The following WNK1 variants were observed in gnomAD, a reference collection of about 807,000 sequenced individuals.
The protein encoded by WNK1 is WNK lysine deficient protein kinase 1.
A neutral mutation model predicts 222.8 loss-of-function variants in WNK1; 38 were observed. The ratio of observed to expected loss-of-function variants is 0.17; its 90% CI spans 0.13 to 0.22. WNK1 has a LOEUF of 0.22. Among genes scored for constraint, WNK1 ranks in the 10% least tolerant of loss-of-function variants. WNK1 has a pLI of 1.00. For missense variants in WNK1, 2,348 were observed against 2,918.4 expected (o/e 0.80, Z 4.50); for synonymous variants, 1,090 against 1,092.9 (o/e 1.00, Z 0.05).
At position 885,214 on chromosome 12, in the gene WNK1, G is replaced by A. The variant is rs1445899117; in HGVS notation, c.4410G>A (p.Lys1470=). 3 of 1,614,148 alleles carry A rather than the reference G, an allele frequency of 1.9e-6. No individual in the cohort carries two copies. In the East Asian group the frequency reaches 6.7e-5, roughly 36 times the overall value. The change falls in exon 19 of 28, where the codon AAG becomes AAA. Residue 1470 remains lysine (K), a synonymous_variant. Transcript: ENST00000315939. ...AGGSTATPGP[K]PPAVVSQQAA... is the part of the protein sequence containing the mutation. The stretch of plus-strand genomic sequence containing the variant: ...GCAGTACTGCTACCCCAGGTCCTAA[G>A]CCTCCAGCTGTAGTATCTCAGCAGG...
At chr12:839,835 A>G (rs1017721795) in intron 4 of WNK1, among the ~76,000 whole-genome samples, 21 of 151,154 alleles carry the variant, frequency 1.4e-4, no homozygotes, top group African/African-American at 4.6e-4. Context: ...TCCTGCCTCA[A>G]GCTTCCTGAG....
Position 911,076 on chromosome 12 carries a change from CA to C in WNK1, c.*2291del. 2.6e-6 allele frequency: 1 copy of C among 385,348 alleles called. No homozygotes were observed. The allele number at this position is 385,348 out of a possible 1,614,324, so 23.9% of individuals were successfully genotyped here. On this transcript the variant is annotated 3_prime_UTR_variant, in exon 28 of 28. Transcript: ENST00000315939. Reference sequence around the variant, plus strand: ...ATTTTGACATCTTTTCACTCATACACAAAAAAAGTCAGAACTGGTGTTATTT... The same window carrying C: ...ATTTTGACATCTTTTCACTCATACACAAAAAAGTCAGAACTGGTGTTATTT...
At chr12:813,906 C>A in intron 2 of WNK1, 92 bp downstream of exon 2, 1 of 1,401,846 alleles carries the variant, frequency 7.1e-7, no homozygotes, top group Non-Finnish European at 9.9e-7. Flanking sequence ...TTTGGTTGTT[C>A]AGCCTAAGAA....
chr12:806,727 T>C (rs1321118114), intron 1 of WNK1, among the ~76,000 whole-genome samples: 1 of 152,192 alleles, frequency 6.6e-6, no homozygotes, highest in Admixed American at 6.5e-5. Flanking sequence ...ATGAGTGATT[T>C]GTGGAGAGAC....
At chr12:842,580 C>T (rs559929817) in intron 4 of WNK1, among the ~76,000 whole-genome samples, 1 of 152,234 alleles carries the variant, frequency 6.6e-6, no homozygotes, top group East Asian at 1.9e-4. Context: ...ATAGGGCAGA[C>T]CAAATTGTAA....
At chr12:860,391 C>T (rs1951114173) in intron 6 of WNK1, among the ~76,000 whole-genome samples, 1 of 152,158 alleles carries the variant, frequency 6.6e-6, no homozygotes, top group Admixed American at 6.5e-5. Context: ...TGCCATAGTG[C>T]CCAAAATAGC....
chr12:811,786 T>A (rs1946931265), intron 1 of WNK1, among the ~76,000 whole-genome samples: 1 of 152,214 alleles, frequency 6.6e-6, no homozygotes, highest in Non-Finnish European at 1.5e-5. Context: ...TTGTTTAGGT[T>A]TCCCCCATTT....
intron 8 of WNK1, chr12:869,258 T>A: frequency 2.8e-6 from 3 of 1,061,530 alleles, no homozygotes; most frequent in Non-Finnish European, 4.3e-6. Flanking sequence ...GGTTGTGAAC[T>A]ACATATATGC....
At chr12:774,516 C>T (rs1206645540) in intron 1 of WNK1, among the ~76,000 whole-genome samples, 1 of 152,172 alleles carries the variant, frequency 6.6e-6, no homozygotes, top group Non-Finnish European at 1.5e-5. Flanking sequence ...GGGAATTTGC[C>T]TACTTAGCCT....
intron 22 of WNK1, among the ~76,000 whole-genome samples, chr12:893,043 C>A (rs773852335): frequency 2.7e-4 from 41 of 152,026 alleles, no homozygotes; most frequent in Non-Finnish European, 1.3e-4. Context: ...TTGCTTGAGC[C>A]CAGGATTTCG....
At chr12:759,123 T>G (rs903818852) in intron 1 of WNK1, among the ~76,000 whole-genome samples, 1 of 146,942 alleles carries the variant, frequency 6.8e-6, no homozygotes, top group Admixed American at 6.8e-5. Flanking sequence ...CTAAACCTGT[T>G]ATTTGGGTTT....
chr12:826,435 C>T (rs1948367853), intron 2 of WNK1, among the ~76,000 whole-genome samples: 3 of 152,088 alleles, frequency 2.0e-5, no homozygotes, highest in African/African-American at 7.2e-5. Flanking sequence ...CAGAACAGGC[C>T]CTTTCCTTAG....
chr12:786,925 C>A (rs1436353658), intron 1 of WNK1, among the ~76,000 whole-genome samples: 1 of 151,920 alleles, frequency 6.6e-6, no homozygotes, highest in South Asian at 2.1e-4. Flanking sequence ...TGGTCTTCTT[C>A]CTGCCTTCTA....
intron 1 of WNK1, among the ~76,000 whole-genome samples, chr12:755,186 C>A (rs1939812912): frequency 6.6e-6 from 1 of 152,176 alleles, no homozygotes; most frequent in African/African-American, 2.4e-5. Flanking sequence ...GCTTGACTTA[C>A]TGAAGCAGCT....
rs1159092269 is a variant in WNK1 at position 885,660 on chromosome 12, A to T, written c.4856A>T (p.His1619Leu). The T allele has an allele frequency of 6.2e-6, 10 of 1,614,082 alleles. No individual in the cohort carries two copies. The highest frequency in any genetic ancestry group is 7.6e-6 in the Non-Finnish European group (9 of 1,180,040). ...NVPAVQQTLI[H>L]SQPQPALLPN... ...CCTGCTGTACAGCAGACACTAATTC[A>T]TAGTCAGCCTCAACCAGCTTTGCTT... The change falls in exon 19 of 28, where the codon CAT becomes CTT. Residue 1619 changes from histidine to leucine, a missense_variant. Physicochemically the swap from His to Leu is moderately conservative, Grantham distance 99. Around this residue, in one of 13 missense-constraint regions of WNK1, gnomAD observed 1,144 missense variants for 1,273.6 expected, o/e 0.90. Transcript: ENST00000315939.
rs34011207 is a variant in WNK1 at position 877,052 on chromosome 12, A to ATT, written c.2224-1134_2224-1133dup. ...ATCTTGAAAGTCAGCCCTAAACTTCATTTTTTTTTTTTTTTTTTTTTTTTT... is the reference window on the plus strand; with the variant it reads ...ATCTTGAAAGTCAGCCCTAAACTTCATTTTTTTTTTTTTTTTTTTTTTTTTTT... On this transcript the variant is annotated intron_variant, in intron 9 of 27. Transcript: ENST00000315939. Among the ~76,000 whole-genome samples the ATT allele has an allele frequency of 6.5e-4, 50 of 77,134 alleles. 1 individual carries two copies. The highest frequency in any genetic ancestry group is 2.4e-3 in the East Asian group (6 of 2,482). The allele number at this position is 77,134 out of a possible 152,430, so 50.6% of individuals were successfully genotyped here.
At chr12:840,301 T>C (rs1265281937) in intron 4 of WNK1, among the ~76,000 whole-genome samples, 2 of 149,510 alleles carry the variant, frequency 1.3e-5, no homozygotes, top group Non-Finnish European at 3.0e-5. Context: ...CTTTTTTTTT[T>C]TTTTTTTTTT....
At chr12:896,866 C>T (rs958619993) in intron 24 of WNK1, 134 bp downstream of exon 24, 4 of 873,692 alleles carry the variant, frequency 4.6e-6, no homozygotes, top group African/African-American at 1.7e-5. Flanking sequence ...GCCACAGAAG[C>T]CCCACCCCAT....
chr12:806,314 G>T (rs1317280475), intron 1 of WNK1, among the ~76,000 whole-genome samples: 2 of 152,154 alleles, frequency 1.3e-5, no homozygotes, highest in African/African-American at 2.4e-5. Flanking sequence ...GTTGTTTTTG[G>T]AAAGTATTGA....
Sources: allele counts gnomAD v4.1 joint callset (sites outside exome capture counted in the v4.1 genomes callset), GRCh38; gene constraint gnomAD v4.1.1; regional missense constraint gnomAD v4.1.1; transcripts MANE v1.5; gene names NCBI Gene and HGNC (gene_info 2026-07-23, HGNC 2026-07-21).